TRPM1: variants seen among roughly 807,000 people sequenced by gnomAD.
The protein encoded by TRPM1 is TRPM1-203 APA Isoform, Intron 10.
TRPM1 carries 113 observed loss-of-function variants against 149.4 expected under a neutral mutation model. That is an observed-to-expected ratio of 0.76 (90% confidence interval 0.65 to 0.88). TRPM1 has a LOEUF of 0.88. Ranked by LOEUF, TRPM1 falls within the 40% of genes least tolerant of loss-of-function variation. TRPM1 has a pLI of 0.00. For missense variants in TRPM1, 1,976 were observed against 2,038.7 expected, an observed-to-expected ratio of 0.97 and a Z score of 0.59; for synonymous variants, 741 against 759.5, an observed-to-expected ratio of 0.98 and a Z score of 0.40.
chr15:31,116,981 A>C (rs918218938), intron 1 of TRPM1, among the ~76,000 whole-genome samples: 1 of 152,246 alleles, frequency 6.6e-6, no homozygotes, highest in Non-Finnish European at 1.5e-5. Context: ...GAAAGCAAGC[A>C]AGGGAACTAG....
intron 8 of TRPM1, 168 bp from the exon 9 acceptor site, chr15:31,062,870 T>A: frequency 1.0e-6 from 1 of 1,001,866 alleles, no homozygotes; most frequent in Non-Finnish European, 1.5e-6. Flanking sequence ...TGTCCTAAAT[T>A]CCAGCTTTGT....
rs533244630 is a variant in TRPM1 at position 31,038,412 on chromosome 15, C to T, written c.2317-246G>A. Among the ~76,000 whole-genome samples, 6 of 152,278 alleles carry T rather than the reference C, an allele frequency of 3.9e-5. No homozygotes were observed. In the East Asian group the frequency reaches 9.6e-4, roughly 24 times the overall value. On this transcript the variant is annotated intron_variant, in intron 18 of 27. Transcript: ENST00000256552. The stretch of plus-strand genomic sequence containing the variant: ...CAAACAGCACTGTTGGTGATCCTAA[C>T]TTTAAAAAGAAAAGTCTTGGCTGGC...
chr15:31,157,762 A>G (rs982061227), intron 1 of TRPM1, among the ~76,000 whole-genome samples: 1 of 152,168 alleles, frequency 6.6e-6, no homozygotes, highest in Non-Finnish European at 1.5e-5. Context: ...GACCAAGGGA[A>G]GAGCTTCAGA....
intron 27 of TRPM1, 116 bp downstream of exon 27, chr15:31,026,023 A>G: frequency 1.4e-5 from 20 of 1,457,572 alleles, no homozygotes; most frequent in Non-Finnish European, 1.9e-5. Flanking sequence ...AAGTTTAAAT[A>G]AAACAGGAGA....
chr15:31,113,408 A>T (rs1180401163), intron 1 of TRPM1, among the ~76,000 whole-genome samples: 1 of 148,928 alleles, frequency 6.7e-6, no homozygotes, highest in Non-Finnish European at 1.5e-5. Flanking sequence ...CTATGCATAC[A>T]GAATTCAATA....
At chr15:31,032,053 G>C (rs1194834551) in intron 22 of TRPM1, among the ~76,000 whole-genome samples, 1 of 144,596 alleles carries the variant, frequency 6.9e-6, no homozygotes, top group Non-Finnish European at 1.5e-5. Flanking sequence ...ATTCTGAAGT[G>C]GATGTAGTCT....
chr15:31,159,442 G>A lies in TRPM1; in HGVS notation c.54+1464C>T, dbSNP rs901862275. Among the ~76,000 whole-genome samples, 8 of 152,170 alleles carry A rather than the reference G, an allele frequency of 5.3e-5. No homozygotes were observed. In the East Asian group the frequency reaches 1.4e-3, roughly 26 times the overall value. ...TGGAGCCACCTGGCCCGGGCTGCAC[G>A]GCCAGTGGCATGTCTCTTGTTTCTG... On this transcript the variant is annotated intron_variant, in intron 1 of 26. Transcript: ENST00000542188.
At chr15:31,112,776 C>T (rs1466931011) in intron 1 of TRPM1, among the ~76,000 whole-genome samples, 1 of 152,150 alleles carries the variant, frequency 6.6e-6, no homozygotes, top group Non-Finnish European at 1.5e-5. Flanking sequence ...AACTCTGCTT[C>T]CTGTATTTTC....
chr15:31,062,621 C>T lies in TRPM1; in HGVS notation c.1047G>A (p.Gln349=). The part of the protein sequence containing the change: ...TFNYNKAQSH[Q]LFAIIMECMK... Reference sequence around the variant, plus strand: ...TGCACTCCATTATAATTGCAAACAGCTGATGTGATTGTGCCTTATTATAAT... The same window carrying T: ...TGCACTCCATTATAATTGCAAACAGTTGATGTGATTGTGCCTTATTATAAT... Residue 349 remains glutamine (Q), a synonymous_variant, in exon 9 of 28, where the codon CAG becomes CAA. Transcript: ENST00000256552. 1.2e-6 allele frequency: 2 copies of T among 1,614,044 alleles called. No homozygotes were observed. Among genetic ancestry groups the T allele is most frequent in the Non-Finnish European group, 8.5e-7 (1 of 1,179,966 alleles).
upstream of TRPM1, among the ~76,000 whole-genome samples, chr15:31,104,051 C>T (rs565856717): frequency 1.4e-3 from 199 of 141,532 alleles, no homozygotes; most frequent in Non-Finnish European, 2.5e-3. Flanking sequence ...TGTGGAGAGA[C>T]GCTGTAAGGT....
chr15:31,127,834 G>A (rs1357094041), intron 1 of TRPM1, among the ~76,000 whole-genome samples: 1 of 152,210 alleles, frequency 6.6e-6, no homozygotes, highest in Non-Finnish European at 1.5e-5. Context: ...GGCTCCCAGA[G>A]GATGAGAAAC....
chr15:31,043,382 C>T (rs966468432), intron 16 of TRPM1, among the ~76,000 whole-genome samples: 37 of 152,076 alleles, frequency 2.4e-4, no homozygotes, highest in Admixed American at 1.8e-3. Flanking sequence ...TTAGTAGAGA[C>T]GGGGTTTCAC....
chr15:31,051,112 C>T (rs1053605632), intron 11 of TRPM1, among the ~76,000 whole-genome samples: 2 of 152,020 alleles, frequency 1.3e-5, no homozygotes, highest in African/African-American at 2.4e-5. Flanking sequence ...CTCCGCATGT[C>T]ACTGAAATGC....
intron 1 of TRPM1, among the ~76,000 whole-genome samples, chr15:31,085,956 G>C (rs2034989788): frequency 6.6e-6 from 1 of 152,192 alleles, no homozygotes; most frequent in Non-Finnish European, 1.5e-5. Context: ...GATGGGTGTA[G>C]GATGTCCTGG....
At chr15:31,089,620 G>A (rs1248934874) in intron 1 of TRPM1, among the ~76,000 whole-genome samples, 2 of 152,214 alleles carry the variant, frequency 1.3e-5, no homozygotes, top group African/African-American at 2.4e-5. Context: ...GCTCGGGAGA[G>A]TTTGTAATTG....
chr15:31,050,324 G>A, intron 12 of TRPM1, 85 bp downstream of exon 12: 1 of 1,602,968 alleles, frequency 6.2e-7, no homozygotes, highest in South Asian at 1.1e-5. Context: ...AGGGCCCTGG[G>A]TGGGACTGAA....
At chr15:31,042,649 C>G (rs1206233881) in intron 16 of TRPM1, among the ~76,000 whole-genome samples, 1 of 152,178 alleles carries the variant, frequency 6.6e-6, no homozygotes, top group Non-Finnish European at 1.5e-5. Flanking sequence ...AAATAACACT[C>G]GTTTGCCAGA....
intron 1 of TRPM1, among the ~76,000 whole-genome samples, chr15:31,154,409 G>A (rs2036341490): frequency 6.6e-6 from 1 of 152,190 alleles, no homozygotes; most frequent in Non-Finnish European, 1.5e-5. Flanking sequence ...CCTTCTGTGA[G>A]ACAGGAATTG....
chr15:31,109,717 C>T (rs951228236), intron 1 of TRPM1, among the ~76,000 whole-genome samples: 1 of 149,818 alleles, frequency 6.7e-6, no homozygotes, highest in South Asian at 2.1e-4. Flanking sequence ...AAAAAAAAAC[C>T]AGGAGTAATG....
Sources: allele counts gnomAD v4.1 joint callset (sites outside exome capture counted in the v4.1 genomes callset), GRCh38; gene constraint gnomAD v4.1.1; transcripts MANE v1.5; gene names NCBI Gene and HGNC (gene_info 2026-07-23, HGNC 2026-07-21).